Variants in PDE4B observed in about 807,000 individuals in gnomAD.
The protein encoded by PDE4B is phosphodiesterase 4B, also known as 3',5'-cyclic-AMP phosphodiesterase 4B.
In PDE4B, 20 loss-of-function variants were observed where a neutral mutation model predicts 82.2. The ratio of observed to expected loss-of-function variants is 0.24; its 90% CI spans 0.17 to 0.35. The LOEUF is 0.35. Among genes scored for constraint, PDE4B ranks in the 10% least tolerant of loss-of-function variants. The pLI is 1.00. For missense variants in PDE4B, 655 were observed against 907.2 expected (o/e 0.72, Z 3.57); for synonymous variants, 320 against 318.9 (o/e 1.00, Z -0.04).
intron 3 of PDE4B, among the ~76,000 whole-genome samples, chr1:65,957,752 CTT>C (rs1649331832): frequency 6.6e-6 from 1 of 151,932 alleles, no homozygotes; most frequent in Non-Finnish European, 1.5e-5. Flanking sequence ...TCTTGCTCCT[CTT>C]TGTTACATTA....
intron 7 of PDE4B, among the ~76,000 whole-genome samples, chr1:66,288,817 A>T (rs1291009133): frequency 6.6e-6 from 1 of 152,142 alleles, no homozygotes; most frequent in Non-Finnish European, 1.5e-5. Flanking sequence ...GGAAAGAAGG[A>T]TCAGGTCACA....
At chr1:66,321,728 G>A (rs74596526) in intron 7 of PDE4B, among the ~76,000 whole-genome samples, 9 of 152,270 alleles carry the variant, frequency 5.9e-5, no homozygotes, top group South Asian at 2.1e-4. Flanking sequence ...AATCAATATC[G>A]TGAACATGGC....
intron 8 of PDE4B, among the ~76,000 whole-genome samples, chr1:66,340,949 T>G (rs955593847): frequency 2.0e-5 from 3 of 152,208 alleles, no homozygotes; most frequent in Non-Finnish European, 2.9e-5. Flanking sequence ...ATCTAATGTC[T>G]TTGGTCACTA....
intron 3 of PDE4B, among the ~76,000 whole-genome samples, chr1:66,134,451 G>C (rs753277616): frequency 1.6e-4 from 24 of 152,122 alleles, no homozygotes; most frequent in Non-Finnish European, 2.8e-4. Flanking sequence ...CAGGGCTGGA[G>C]GAAACTCCTA....
intron 1 of PDE4B, among the ~76,000 whole-genome samples, chr1:65,848,435 C>T (rs1394510362): frequency 4.2e-5 from 6 of 144,226 alleles, no homozygotes; most frequent in African/African-American, 1.3e-4. Flanking sequence ...TAAGCCACCA[C>T]GCCTGGCCCA....
intron 3 of PDE4B, among the ~76,000 whole-genome samples, chr1:65,946,268 T>C (rs1393691269): frequency 6.6e-6 from 1 of 152,010 alleles, no homozygotes; most frequent in Non-Finnish European, 1.5e-5. Flanking sequence ...ATCCTATCCA[T>C]GTTATGGTTG....
chr1:65,814,814 T>C (rs922184377), intron 1 of PDE4B, among the ~76,000 whole-genome samples: 1 of 152,120 alleles, frequency 6.6e-6, no homozygotes, highest in Non-Finnish European at 1.5e-5. Flanking sequence ...TTTAGGTTGT[T>C]CCCAGGTGTA....
intron 1 of PDE4B, among the ~76,000 whole-genome samples, chr1:65,804,483 T>C (rs1329647870): frequency 6.6e-6 from 1 of 152,228 alleles, no homozygotes; most frequent in East Asian, 1.9e-4. Flanking sequence ...GGCTGTCTTA[T>C]GAAAATTAAG....
chr1:65,960,583 T>C (rs918032308), intron 3 of PDE4B, among the ~76,000 whole-genome samples: 2 of 152,008 alleles, frequency 1.3e-5, no homozygotes, highest in African/African-American at 4.8e-5. Context: ...TCATCATCTG[T>C]GAAAGAAAGA....
chr1:66,107,958 C>G (rs1031541552), intron 3 of PDE4B, among the ~76,000 whole-genome samples: 1 of 151,896 alleles, frequency 6.6e-6, no homozygotes, highest in Non-Finnish European at 1.5e-5. Flanking sequence ...AAAAGATACA[C>G]ATTTATTTTT....
chr1:65,907,294 G>A (rs548100015), intron 1 of PDE4B, among the ~76,000 whole-genome samples: 66 of 152,212 alleles, frequency 4.3e-4, no homozygotes, highest in African/African-American at 1.5e-3. Context: ...AATATTTTAT[G>A]TATCAAATTC....
At chr1:66,027,328 C>G (rs562811124) in intron 3 of PDE4B, among the ~76,000 whole-genome samples, 4 of 152,156 alleles carry the variant, frequency 2.6e-5, no homozygotes, top group South Asian at 2.1e-4. Context: ...TTCCCTATCA[C>G]AAGAGTAGCA....
At chr1:65,960,308 T>C (rs752020271) in intron 3 of PDE4B, among the ~76,000 whole-genome samples, 4 of 152,034 alleles carry the variant, frequency 2.6e-5, no homozygotes, top group Non-Finnish European at 5.9e-5. Context: ...CTAGCAAGAA[T>C]GATAGGTCAC....
intron 3 of PDE4B, among the ~76,000 whole-genome samples, chr1:65,935,689 C>T (rs1032968234): frequency 2.0e-5 from 3 of 152,130 alleles, no homozygotes; most frequent in Admixed American, 6.6e-5. Flanking sequence ...TGCCTGTAAT[C>T]CCAACACTTT....
intron 7 of PDE4B, among the ~76,000 whole-genome samples, chr1:66,325,670 A>G (rs1244927294): frequency 6.6e-6 from 1 of 152,190 alleles, no homozygotes; most frequent in African/African-American, 2.4e-5. Context: ...AGTGGGAAGG[A>G]CGCTTTAGGA....
intron 4 of PDE4B, among the ~76,000 whole-genome samples, chr1:66,255,966 G>A (rs1342304181): frequency 6.6e-6 from 1 of 152,128 alleles, no homozygotes; most frequent in East Asian, 1.9e-4. Context: ...GGGCTTGAGA[G>A]CAGCCTGGGC....
rs534230342 is a variant in PDE4B at position 66,208,330 on chromosome 1, T to C, written c.282-39130T>C. Among the ~76,000 whole-genome samples, 12 of 152,278 alleles carry C rather than the reference T, an allele frequency of 7.9e-5. 1 individual carries two copies. The South Asian group carries it at 8.3e-4, about 11-fold the overall frequency. ...GATAACAACTGTTGAGTGCGTACCA[T>C]GTGGCAAACAATGGGAATGAAGAGA... On this transcript the variant is annotated intron_variant, in intron 3 of 16. Transcript: ENST00000341517.
intron 3 of PDE4B, among the ~76,000 whole-genome samples, chr1:66,087,568 C>G (rs1020842815): frequency 1.3e-5 from 2 of 151,970 alleles, no homozygotes; most frequent in African/African-American, 4.8e-5. Flanking sequence ...AAGTCCTTGA[C>G]CATGCCTATG....
chr1:65,829,171 A>G (rs1646052715), intron 1 of PDE4B, among the ~76,000 whole-genome samples: 1 of 152,232 alleles, frequency 6.6e-6, no homozygotes. Context: ...TAACTATATT[A>G]ACTTTAAACA....
Sources: allele counts gnomAD v4.1 joint callset (sites outside exome capture counted in the v4.1 genomes callset), GRCh38; gene constraint gnomAD v4.1.1; transcripts MANE v1.5; gene names NCBI Gene and HGNC (gene_info 2026-07-23, HGNC 2026-07-21).